The following MYT1L variants were observed in gnomAD, a reference collection of about 807,000 sequenced individuals.
The protein encoded by MYT1L is myelin transcription factor 1 like.
In MYT1L, 12 loss-of-function variants were observed where a neutral mutation model predicts 126.7. The ratio of observed to expected loss-of-function variants is 0.09; its 90% CI spans 0.06 to 0.15. The LOEUF (loss-of-function observed/expected upper bound fraction) is 0.15, where lower values mean the gene tolerates loss of function less well. MYT1L is among the 10% of genes least tolerant of loss of function. The probability of loss-of-function intolerance (pLI) is 1.00; values close to 1 mark genes in which losing one functional copy is unlikely to be tolerated. For synonymous variants in MYT1L, 541 were observed against 604.2 expected (o/e 0.90, Z 1.53); for missense variants, 979 against 1,585.2 (o/e 0.62, Z 6.49).
At chr2:1,850,560 G>T (rs779051263) in intron 19 of MYT1L, among the ~76,000 whole-genome samples, 1 of 152,074 alleles carries the variant, frequency 6.6e-6, no homozygotes, top group African/African-American at 2.4e-5. Flanking sequence ...GTTCACAAAG[G>T]TTTTCTTCTT....
At position 2,317,236 on chromosome 2, in the gene MYT1L, A is replaced by T. The variant is rs369301726; in HGVS notation, c.-521+13731T>A. 3.3e-4 allele frequency among the ~76,000 whole-genome samples: 51 copies of T among 152,246 alleles called. No individual in the cohort carries two copies. In the South Asian group the frequency reaches 0.01, roughly 31 times the overall value. On this transcript the variant is annotated intron_variant, in intron 1 of 24. Coordinates refer to ENST00000647738, the MANE Select transcript of MYT1L (RefSeq NM_001303052.2). ...AATCAAACAATAGCATCTACTCTAAATACTCAGGTTCCTGGTGTTGGGTTT... is the reference window on the plus strand; with the variant it reads ...AATCAAACAATAGCATCTACTCTAATTACTCAGGTTCCTGGTGTTGGGTTT...
At chr2:2,220,592 GT>G (rs1169813159) in intron 2 of MYT1L, among the ~76,000 whole-genome samples, 3 of 152,102 alleles carry the variant, frequency 2.0e-5, no homozygotes, top group Admixed American at 6.5e-5. Context: ...ATCTTGTTAT[GT>G]TAATAGAGAT....
At chr2:1,934,068 A>G (rs919253178) in intron 9 of MYT1L, among the ~76,000 whole-genome samples, 10 of 137,276 alleles carry the variant, frequency 7.3e-5, no homozygotes, top group South Asian at 2.3e-4. Flanking sequence ...TCCGCCTCCC[A>G]GGTTCACGCC....
chr2:2,157,854 C>T (rs1293400580), intron 3 of MYT1L, among the ~76,000 whole-genome samples: 1 of 152,156 alleles, frequency 6.6e-6, no homozygotes, highest in Non-Finnish European at 1.5e-5. Context: ...CAGTCAGCAT[C>T]TCTCAAAGGG....
At chr2:1,794,743 C>T (rs530536821) in intron 23 of MYT1L, among the ~76,000 whole-genome samples, 1 of 152,298 alleles carries the variant, frequency 6.6e-6, no homozygotes, top group East Asian at 1.9e-4. Context: ...CCCGTGCTAC[C>T]CGGGTCTGTG....
chr2:2,295,635 C>CAGAGAGAGACAGACAG (rs1559584273), intron 1 of MYT1L, among the ~76,000 whole-genome samples: 8 of 7,308 alleles, frequency 1.1e-3, no homozygotes, highest in Non-Finnish European at 1.5e-3. Context: ...GACAGACAGA[C>CAGAGAGAGACAGACAG]AGAGAGAGAG....
intron 19 of MYT1L, among the ~76,000 whole-genome samples, chr2:1,843,109 C>A (rs1215173908): frequency 6.6e-6 from 1 of 152,246 alleles, no homozygotes; most frequent in African/African-American, 2.4e-5. Context: ...CTCCCTGCAA[C>A]CCTTGCCGCC....
intron 3 of MYT1L, among the ~76,000 whole-genome samples, chr2:2,137,823 G>C (rs1235552411): frequency 1.3e-5 from 2 of 152,122 alleles, no homozygotes; most frequent in African/African-American, 4.8e-5. Context: ...GGTAACAAAA[G>C]CCACAATTGA....
chr2:1,947,731 G>GA (rs34321871), intron 8 of MYT1L, among the ~76,000 whole-genome samples: 1 of 151,982 alleles, frequency 6.6e-6, no homozygotes, highest in Non-Finnish European at 1.5e-5. Context: ...AGCAAGAGTA[G>GA]AAAAAAAATA....
intron 8 of MYT1L, among the ~76,000 whole-genome samples, chr2:1,962,525 A>G (rs1179547755): frequency 6.6e-6 from 1 of 152,168 alleles, no homozygotes. Flanking sequence ...GAAATTTCTT[A>G]AAATAAGACA....
At chr2:1,994,491 C>T (rs953329650) in intron 5 of MYT1L, among the ~76,000 whole-genome samples, 12 of 152,212 alleles carry the variant, frequency 7.9e-5, no homozygotes, top group East Asian at 3.8e-4. Flanking sequence ...ACCCCTGGGC[C>T]GTGCTGTCTC....
At chr2:2,076,668 T>A (rs899637047) in intron 3 of MYT1L, among the ~76,000 whole-genome samples, 1 of 152,130 alleles carries the variant, frequency 6.6e-6, no homozygotes, top group Non-Finnish European at 1.5e-5. Context: ...AAAACTAAAC[T>A]AGTAGCAACA....
At chr2:2,292,123 G>A (rs557090449) in intron 1 of MYT1L, among the ~76,000 whole-genome samples, 1 of 152,312 alleles carries the variant, frequency 6.6e-6, no homozygotes, top group Admixed American at 6.5e-5. Context: ...CAGGCAAAAG[G>A]GGCAGCGAGC....
At chr2:2,269,260 T>C (rs541640646) in intron 2 of MYT1L, among the ~76,000 whole-genome samples, 1 of 152,374 alleles carries the variant, frequency 6.6e-6, no homozygotes, top group Admixed American at 6.5e-5. Context: ...CTTGAATTTG[T>C]ATTGAGATCA....
chr2:2,057,331 C>G (rs2069725349), intron 3 of MYT1L, among the ~76,000 whole-genome samples: 1 of 151,634 alleles, frequency 6.6e-6, no homozygotes, highest in Admixed American at 6.6e-5. Context: ...ACTCCCTGCC[C>G]TTTCACAGCC....
chr2:2,173,990 C>A (rs990213767), intron 2 of MYT1L, among the ~76,000 whole-genome samples: 1 of 152,210 alleles, frequency 6.6e-6, no homozygotes, highest in African/African-American at 2.4e-5. Flanking sequence ...AACACAAAGG[C>A]AGCCAATAAA....
At chr2:2,154,398 T>C (rs776702507) in intron 3 of MYT1L, among the ~76,000 whole-genome samples, 23 of 152,214 alleles carry the variant, frequency 1.5e-4, no homozygotes, top group South Asian at 2.1e-4. Flanking sequence ...ATTGCAGCAC[T>C]ATTCACAATA....
chr2:2,215,440 C>G (rs1592732), intron 2 of MYT1L, among the ~76,000 whole-genome samples: 24,512 of 152,100 alleles, frequency 0.16, 2,126 homozygotes, highest in African/African-American at 0.22. Flanking sequence ...AGCATACTAC[C>G]AGGGTAAAGA....
In MYT1L at chr2:2,093,166, A is replaced by C. The variant is rs181092377; in HGVS notation, c.-303-39043T>G. Among the ~76,000 whole-genome samples, 23 of 152,260 alleles carry C rather than the reference A, an allele frequency of 1.5e-4. No homozygotes were observed. The East Asian group carries it at 4.3e-3, about 28-fold the overall frequency. ...AGAGTTTGTCTCCCTCAAATGTATC[A>C]TCCCAAATCTTTTTAAAAAAGATTA... On this transcript the variant is annotated intron_variant, in intron 3 of 24. Transcript: ENST00000647738.
Sources: gnomAD v4.1 joint callset for allele counts (sites outside exome capture counted in the v4.1 genomes callset) on GRCh38, gnomAD v4.1.1 for gene constraint, MANE v1.5 for transcripts, NCBI Gene and HGNC (gene_info 2026-07-23, HGNC 2026-07-21) for gene names.